Variants in BFAR observed in about 807,000 individuals in gnomAD.
The protein encoded by BFAR is bifunctional apoptosis regulator, also known as RING finger protein 47.
Under a neutral mutation model 54.4 loss-of-function variants are expected in BFAR, and 52 were observed. That is an observed-to-expected ratio of 0.96 (90% CI 0.77 to 1.21). The LOEUF (loss-of-function observed/expected upper bound fraction) is 1.21. Ranked by LOEUF, BFAR falls within the 50% of genes most tolerant of loss-of-function variation. The pLI is 0.00. For missense variants in BFAR, 571 were observed against 534.0 expected (o/e 1.07, Z -0.68); for synonymous variants, 215 against 204.3 (o/e 1.05, Z -0.45).
At chr16:14,660,157 C>T (rs950345957) in intron 5 of BFAR, among the ~76,000 whole-genome samples, 2 of 150,842 alleles carry the variant, frequency 1.3e-5, no homozygotes, top group African/African-American at 4.9e-5. Context: ...ATGCAGTGAT[C>T]TCCACTGGAC....
chr16:14,644,251 T>C (rs531568833), intron 1 of BFAR, 23 bp from the exon 2 acceptor site: 1 of 1,291,786 alleles, frequency 7.7e-7, no homozygotes, highest in African/African-American at 1.5e-5. Context: ...TGCCTTATTT[T>C]TGTCTCTGTT....
In BFAR at chr16:14,658,278, A is replaced by G. The variant is rs561101863; in HGVS notation, c.783+3068A>G. ...GTTCGATCAGGTATGATGTTTCCAC[A>G]GTGCACAGGAAGGGTGGTCACCCCA... is the stretch of plus-strand genomic sequence containing the variant. On this transcript the variant is annotated intron_variant, in intron 5 of 7. Coordinates refer to ENST00000261658, the MANE Select transcript of BFAR (RefSeq NM_016561.3). 1.7e-3 allele frequency among the ~76,000 whole-genome samples: 261 copies of G among 152,244 alleles called. 3 individuals are homozygous for G. Among genetic ancestry groups the G allele is most frequent in the African/African-American group, 6.1e-3 (252 of 41,562 alleles).
chr16:14,664,888 G>A lies in BFAR; in HGVS notation c.977G>A (p.Trp326Ter), dbSNP rs1482342689. The A allele has an allele frequency of 1.2e-6, 2 of 1,613,850 alleles. No homozygotes were observed. The highest frequency in any genetic ancestry group is 2.2e-5 in the East Asian group (1 of 44,876). The change falls in exon 7 of 8, where the codon TGG becomes TAG. Residue 326 changes from tryptophan to a stop codon, truncating the protein, a stop_gained. Coordinates refer to ENST00000261658, the MANE Select transcript of BFAR (RefSeq NM_016561.3). LOFTEE classifies it high-confidence loss of function. Reference sequence around the variant, plus strand: ...TTTAAGGATCTTAAGGAGCCTACGTGGAAGCAGTGGAGAGAGTTCCTGGTC... The same window carrying A: ...TTTAAGGATCTTAAGGAGCCTACGTAGAAGCAGTGGAGAGAGTTCCTGGTC... ...TKLLDLKEPT[W>*]KQWREFLVKY...
chr16:14,633,766 C>T (rs1959342618), intron 1 of BFAR, among the ~76,000 whole-genome samples: 2 of 152,324 alleles, frequency 1.3e-5, no homozygotes, highest in African/African-American at 4.8e-5. Flanking sequence ...GATTCTCTTG[C>T]CTCAGCCTTC....
At chr16:14,650,801 G>A (rs1461327934) in intron 4 of BFAR, among the ~76,000 whole-genome samples, 5 of 152,200 alleles carry the variant, frequency 3.3e-5, no homozygotes, top group South Asian at 2.1e-4. Flanking sequence ...TGCTATGATC[G>A]TTCATGTGCA....
chr16:14,647,857 T>C (rs1467173134), intron 2 of BFAR, among the ~76,000 whole-genome samples: 1 of 152,232 alleles, frequency 6.6e-6, no homozygotes, highest in African/African-American at 2.4e-5. Flanking sequence ...CTTCATTGTA[T>C]GAATATACCA....
chr16:14,665,299 T>A, intron 7 of BFAR: 1 of 532,402 alleles, frequency 1.9e-6, no homozygotes, highest in Non-Finnish European at 3.3e-6. Flanking sequence ...ATGTCTTATC[T>A]CTATGCAATA....
At chr16:14,653,340 T>C (rs1177769299) in intron 4 of BFAR, among the ~76,000 whole-genome samples, 1 of 152,142 alleles carries the variant, frequency 6.6e-6, no homozygotes. Flanking sequence ...TTAATTTTTA[T>C]TTTTTTGAGA....
chr16:14,653,660 C>T (rs1253763608), intron 4 of BFAR, among the ~76,000 whole-genome samples: 2 of 152,074 alleles, frequency 1.3e-5, no homozygotes, highest in African/African-American at 4.8e-5. Flanking sequence ...AAAGCAGATA[C>T]GGGATCTCCA....
At chr16:14,640,485 A>G in intron 1 of BFAR, among the ~76,000 whole-genome samples, 1 of 152,040 alleles carries the variant, frequency 6.6e-6, no homozygotes, top group East Asian at 1.9e-4. Flanking sequence ...AAGAGAAGCC[A>G]GGAATCTAGA....
In BFAR at chr16:14,649,954, T is replaced by C; in HGVS notation, c.619T>C (p.Ser207Pro). ...ATCTCTTTACAGGGAAAGGTTTTTA[T>C]CTGAACGAGTAAATGGAAGGTGAGG... ...WASLYRERFL[S>P]ERVNGRLLLT... The change falls in exon 4 of 8, where the codon TCT becomes CCT. Residue 207 changes from serine to proline, a missense_variant. Ser to Pro is a moderately conservative substitution (Grantham distance 74, BLOSUM62 -1). Transcript: ENST00000261658. 1 of 1,610,766 alleles carries C rather than the reference T, an allele frequency of 6.2e-7. No individual in the cohort carries two copies. The highest frequency in any genetic ancestry group is 1.1e-5 in the South Asian group (1 of 90,450).
rs1439874486 is a variant in BFAR at position 14,668,021 on chromosome 16, C to A, written c.*194C>A. ...TGGCACGAGCAAGGACTGACATCCG[C>A]ACAGGGAGGATTGTCTGTTTGGCTG... On this transcript the variant is annotated 3_prime_UTR_variant, in exon 8 of 8. Transcript: ENST00000261658. The A allele has an allele frequency of 5.0e-6, 3 of 594,112 alleles. No homozygotes were observed. The highest frequency in any genetic ancestry group is 6.0e-5 in the Admixed American group (2 of 33,344). 36.8% of individuals were successfully genotyped at this position (594,112 alleles called of 1,614,324 possible). A position where few individuals can be genotyped will look rare whatever the true frequency, so the allele number is the denominator to read the frequency against.
In BFAR at chr16:14,636,920, A is replaced by T. The variant is rs188491987; in HGVS notation, c.-74+3902A>T. ...ACAAAGCACATCTTGTACCGCCCGT[A>T]ATCCATTTAACCCTGAGTTGACACA... On this transcript the variant is annotated intron_variant, in intron 1 of 7. Transcript: ENST00000261658. Among the ~76,000 whole-genome samples the T allele has an allele frequency of 1.0e-3, 152 of 152,332 alleles. 1 individual carries two copies. Among genetic ancestry groups the T allele is most frequent in the African/African-American group, 3.4e-3 (140 of 41,564 alleles).
chr16:14,658,958 A>G (rs2151842908), intron 5 of BFAR, among the ~76,000 whole-genome samples: 1 of 150,770 alleles, frequency 6.6e-6, no homozygotes, highest in East Asian at 2.0e-4. Flanking sequence ...TCCAGGCTGG[A>G]GTGCAATGGC....
chr16:14,638,880 G>A (rs1361049061), intron 1 of BFAR, among the ~76,000 whole-genome samples: 1 of 152,026 alleles, frequency 6.6e-6, no homozygotes, highest in African/African-American at 2.4e-5. Context: ...AGGAGGCGGA[G>A]GTTGCAGTGA....
chr16:14,651,937 A>C (rs1596980922), intron 4 of BFAR, among the ~76,000 whole-genome samples: 1 of 121,740 alleles, frequency 8.2e-6, no homozygotes, highest in South Asian at 2.7e-4. Flanking sequence ...TTCAGGCTGG[A>C]GTGTAGTGGT....
At chr16:14,647,332 A>G (rs1959829526) in intron 2 of BFAR, among the ~76,000 whole-genome samples, 3 of 149,790 alleles carry the variant, frequency 2.0e-5, no homozygotes, top group Non-Finnish European at 4.5e-5. Flanking sequence ...TGATCTGCCC[A>G]CCTCGGCCTC....
chr16:14,653,251 G>A (rs763112378), intron 4 of BFAR, among the ~76,000 whole-genome samples: 35 of 152,058 alleles, frequency 2.3e-4, no homozygotes, highest in African/African-American at 3.9e-4. Flanking sequence ...ATAGCTCTCC[G>A]GCCAGCTTAC....
At chr16:14,640,729 C>CAGA in intron 1 of BFAR, among the ~76,000 whole-genome samples, 1 of 152,172 alleles carries the variant, frequency 6.6e-6, no homozygotes, top group Non-Finnish European at 1.5e-5. Flanking sequence ...CTGCAAGAGG[C>CAGA]AGAAGTGTGT....
Sources: gnomAD v4.1 joint callset for allele counts (sites outside exome capture counted in the v4.1 genomes callset) on GRCh38, gnomAD v4.1.1 for gene constraint, MANE v1.5 for transcripts, NCBI Gene and HGNC (gene_info 2026-07-23, HGNC 2026-07-21) for gene names.